CNTN6: variants seen among roughly 807,000 people sequenced by gnomAD.
The protein encoded by CNTN6 is contactin-6.
CNTN6 carries 137 observed loss-of-function variants against 122.8 expected under a neutral mutation model. That is an observed-to-expected ratio of 1.12 (90% CI 0.97 to 1.29). The LOEUF is 1.29. CNTN6 is among the 50% of genes most tolerant of loss of function. CNTN6 has a pLI of 0.00. For missense variants in CNTN6, 1,634 were observed against 1,223.4 expected (o/e 1.34, Z -5.01); for synonymous variants, 570 against 426.0 (o/e 1.34, Z -4.16).
chr3:1,269,074 C>T (rs886344865), intron 4 of CNTN6, among the ~76,000 whole-genome samples: 1 of 151,872 alleles, frequency 6.6e-6, no homozygotes, highest in South Asian at 2.1e-4. Flanking sequence ...GATTAAAGTC[C>T]CTCACATCAT....
intron 20 of CNTN6, among the ~76,000 whole-genome samples, chr3:1,399,388 T>C (rs188561087): frequency 6.6e-6 from 1 of 152,208 alleles, no homozygotes; most frequent in East Asian, 1.9e-4. Flanking sequence ...GAAATAAATA[T>C]GTTGATAAGC....
At chr3:1,310,668 G>C (rs79643112) in intron 7 of CNTN6, among the ~76,000 whole-genome samples, 1,652 of 152,160 alleles carry the variant, frequency 0.011, 29 homozygotes, top group African/African-American at 0.038. Context: ...CCATTTTCTA[G>C]AAGAGATTAT....
intron 17 of CNTN6, among the ~76,000 whole-genome samples, chr3:1,380,156 C>G (rs1710452827): frequency 1.3e-5 from 2 of 152,110 alleles, no homozygotes; most frequent in African/African-American, 4.8e-5. Context: ...TGAAATAGTA[C>G]CTGTTGGACT....
At chr3:1,254,558 A>G (rs894207636) in intron 4 of CNTN6, among the ~76,000 whole-genome samples, 3 of 152,164 alleles carry the variant, frequency 2.0e-5, no homozygotes, top group African/African-American at 7.2e-5. Flanking sequence ...GTCAGACTCT[A>G]TCATGTGTGG....
chr3:1,350,040 ATTC>A (rs1180206298), intron 11 of CNTN6, among the ~76,000 whole-genome samples: 3 of 151,890 alleles, frequency 2.0e-5, no homozygotes, highest in African/African-American at 4.8e-5. Flanking sequence ...GTATGTTATT[ATTC>A]TTTTATAAAT....
intron 16 of CNTN6, among the ~76,000 whole-genome samples, chr3:1,375,898 GAAAT>G (rs750324416): frequency 5.9e-5 from 9 of 152,060 alleles, no homozygotes; most frequent in Non-Finnish European, 8.8e-5. Context: ...GTATGAAATG[GAAAT>G]AAATAAAATA....
At chr3:1,392,351 A>G (rs1399030428) in intron 20 of CNTN6, among the ~76,000 whole-genome samples, 3 of 152,170 alleles carry the variant, frequency 2.0e-5, no homozygotes, top group Non-Finnish European at 2.9e-5. Context: ...CTGGCTACCC[A>G]TATGTAGAAA....
intron 2 of CNTN6, among the ~76,000 whole-genome samples, chr3:1,159,144 C>A (rs1473921765): frequency 6.6e-6 from 1 of 151,578 alleles, no homozygotes; most frequent in Non-Finnish European, 1.5e-5. Context: ...TACTAAGGAA[C>A]TGGATTGTGT....
At chr3:1,360,102 T>C (rs961386445) in intron 12 of CNTN6, among the ~76,000 whole-genome samples, 1 of 152,102 alleles carries the variant, frequency 6.6e-6, no homozygotes, top group Non-Finnish European at 1.5e-5. Flanking sequence ...ACAATTTTTT[T>C]AATCTTTCAT....
intron 1 of CNTN6, among the ~76,000 whole-genome samples, chr3:1,119,353 GGAGAA>G (rs2091864160): frequency 1.3e-5 from 2 of 150,148 alleles, no homozygotes; most frequent in African/African-American, 2.4e-5. Context: ...GTGTGTGTGT[GGAGAA>G]TGTCTCTTTG....
At chr3:1,143,423 T>C (rs1204331995) in intron 1 of CNTN6, among the ~76,000 whole-genome samples, 2 of 152,168 alleles carry the variant, frequency 1.3e-5, no homozygotes, top group Admixed American at 6.5e-5. Context: ...TTTTAGGTTC[T>C]AGAAGTTTCT....
chr3:1,375,366 T>C (rs978044194), intron 16 of CNTN6, among the ~76,000 whole-genome samples: 3 of 152,030 alleles, frequency 2.0e-5, no homozygotes, highest in Non-Finnish European at 2.9e-5. Flanking sequence ...ACCCACTGAG[T>C]CAAACTCTAC....
intron 11 of CNTN6, among the ~76,000 whole-genome samples, chr3:1,351,961 T>G (rs1210500457): frequency 6.6e-6 from 1 of 151,928 alleles, no homozygotes; most frequent in African/African-American, 2.4e-5. Context: ...AAGTTCAATT[T>G]TTGCCAGTGA....
intron 2 of CNTN6, among the ~76,000 whole-genome samples, chr3:1,199,352 G>A (rs2093826823): frequency 6.6e-6 from 1 of 151,422 alleles, no homozygotes; most frequent in Non-Finnish European, 1.5e-5. Flanking sequence ...GCTAATTTTT[G>A]TAATTTTTAT....
chr3:1,232,085 G>A (rs2094359186), intron 4 of CNTN6, among the ~76,000 whole-genome samples: 1 of 152,120 alleles, frequency 6.6e-6, no homozygotes, highest in African/African-American at 2.4e-5. Flanking sequence ...AATGAGATAG[G>A]TGTTTTGAAA....
chr3:1,148,688 A>T (rs2092774994), intron 2 of CNTN6, among the ~76,000 whole-genome samples: 1 of 152,180 alleles, frequency 6.6e-6, no homozygotes, highest in Non-Finnish European at 1.5e-5. Context: ...GCCAAATGTG[A>T]GTGTAATAAA....
At chr3:1,245,523 T>C (rs982423623) in intron 4 of CNTN6, among the ~76,000 whole-genome samples, 4 of 149,048 alleles carry the variant, frequency 2.7e-5, no homozygotes, top group Non-Finnish European at 5.9e-5. Flanking sequence ...CAATGGATTT[T>C]GGGGATTGGG....
At chr3:1,388,393 A>C (rs1457217381) in intron 20 of CNTN6, among the ~76,000 whole-genome samples, 10 of 150,654 alleles carry the variant, frequency 6.6e-5, no homozygotes, top group South Asian at 4.2e-4. Context: ...AAGGACATCC[A>C]CACCAAAAAC....
chr3:1,122,572 C>G (rs766395034), intron 1 of CNTN6, among the ~76,000 whole-genome samples: 11 of 151,166 alleles, frequency 7.3e-5, no homozygotes, highest in Non-Finnish European at 1.3e-4. Flanking sequence ...AAGAAAGAAG[C>G]TCTTACCAAT....
Sources: allele counts gnomAD v4.1 joint callset (sites outside exome capture counted in the v4.1 genomes callset), GRCh38; gene constraint gnomAD v4.1.1; transcripts MANE v1.5; gene names NCBI Gene and HGNC (gene_info 2026-07-23, HGNC 2026-07-21).